Variants in NRG3 observed in about 807,000 individuals in gnomAD.
NRG3 encodes pro-neuregulin-3, membrane-bound isoform.
A neutral mutation model predicts 66.9 loss-of-function variants in NRG3; 31 were observed. The observed-to-expected ratio is 0.46, with a 90% CI of 0.35 to 0.63. NRG3 has a LOEUF of 0.63. NRG3 is among the 20% of genes least tolerant of loss of function. The pLI, the probability that NRG3 is intolerant of heterozygous loss-of-function variation, is 0.00. For missense variants in NRG3, 910 were observed against 878.9 expected (o/e 1.04, Z -0.45); for synonymous variants, 393 against 359.4 (o/e 1.09, Z -1.06).
chr10:82,223,642 A>ACACACACACACAC (rs2076037746), intron 1 of NRG3, among the ~76,000 whole-genome samples: 1 of 137,926 alleles, frequency 7.3e-6, no homozygotes, highest in African/African-American at 2.8e-5. Context: ...AACCACCCCA[A>ACACACACACACAC]ACACACACAC....
At chr10:82,310,298 G>A (rs75575616) in intron 1 of NRG3, among the ~76,000 whole-genome samples, 1,891 of 152,328 alleles carry the variant, frequency 0.012, 19 homozygotes, top group Non-Finnish European at 0.019. Flanking sequence ...AGTCCAAGAG[G>A]TGAATTATGG....
chr10:81,921,421 C>G (rs1018483), intron 1 of NRG3, among the ~76,000 whole-genome samples: 70,922 of 151,892 alleles, frequency 0.47, 20,719 homozygotes, highest in East Asian at 0.81. Flanking sequence ...TTTTGCTTCA[C>G]ATAGTCTGTC....
chr10:82,801,692 G>A (rs1056023342), intron 3 of NRG3, among the ~76,000 whole-genome samples: 1 of 152,188 alleles, frequency 6.6e-6, no homozygotes, highest in African/African-American at 2.4e-5. Flanking sequence ...TTTACCTGGT[G>A]CAAACAGGGC....
At position 81,894,985 on chromosome 10, in the gene NRG3, A is replaced by G. The variant is rs574745548; in HGVS notation, c.823+18822A>G. Among the ~76,000 whole-genome samples the G allele has an allele frequency of 9.9e-5, 15 of 152,260 alleles. No individual in the cohort carries two copies. In the South Asian group the frequency reaches 2.9e-3, roughly 29 times the overall value. On this transcript the variant is annotated intron_variant, in intron 1 of 8. Transcript: ENST00000372141. ...ACTGGCTTTTCAAACGTCACATCAT[A>G]AAAATAGAGCCACCTGAGTAAGAGC...
At chr10:82,236,078 TTAAA>T (rs2076739398) in intron 1 of NRG3, among the ~76,000 whole-genome samples, 3 of 152,110 alleles carry the variant, frequency 2.0e-5, no homozygotes, top group Admixed American at 1.3e-4. Flanking sequence ...TTTCTAATCA[TTAAA>T]TAGAGGATAG....
chr10:82,705,129 G>GA (rs370455673), intron 2 of NRG3, among the ~76,000 whole-genome samples: 4 of 152,184 alleles, frequency 2.6e-5, no homozygotes, highest in African/African-American at 9.6e-5. Flanking sequence ...TTTACATATG[G>GA]AAAAAAACTA....
chr10:82,120,233 A>G (rs1225443477), intron 1 of NRG3, among the ~76,000 whole-genome samples: 2 of 152,020 alleles, frequency 1.3e-5, no homozygotes, highest in African/African-American at 4.8e-5. Context: ...TGCTAAATAT[A>G]CACCCAGGTC....
At chr10:82,685,702 T>G (rs1301773299) in intron 2 of NRG3, among the ~76,000 whole-genome samples, 1 of 152,336 alleles carries the variant, frequency 6.6e-6, no homozygotes, top group African/African-American at 2.4e-5. Context: ...AAATACACAT[T>G]GTACAGCCAT....
intron 1 of NRG3, among the ~76,000 whole-genome samples, chr10:82,123,772 A>G (rs973447696): frequency 6.6e-6 from 1 of 152,108 alleles, no homozygotes; most frequent in East Asian, 1.9e-4. Flanking sequence ...GAACAGTGGA[A>G]TCGTCTGGAA....
intron 1 of NRG3, among the ~76,000 whole-genome samples, chr10:81,926,260 G>A (rs1846767069): frequency 1.3e-5 from 2 of 152,060 alleles, no homozygotes; most frequent in Non-Finnish European, 2.9e-5. Flanking sequence ...TGGGATTACA[G>A]GCACCCGCAA....
At chr10:82,967,704 C>T (rs1851337986) in intron 6 of NRG3, among the ~76,000 whole-genome samples, 1 of 152,180 alleles carries the variant, frequency 6.6e-6, no homozygotes, top group African/African-American at 2.4e-5. Context: ...ATTTTTACTA[C>T]AGGAGTAGGC....
chr10:82,949,427 A>G (rs1849312442), intron 4 of NRG3, among the ~76,000 whole-genome samples: 1 of 152,088 alleles, frequency 6.6e-6, no homozygotes, highest in African/African-American at 2.4e-5. Flanking sequence ...ATTTTCAGTG[A>G]TGAGAAGCCC....
Position 82,548,598 on chromosome 10 carries a change from G to T in NRG3, c.953+189730G>T, listed in dbSNP as rs542287964. Among the ~76,000 whole-genome samples the T allele has an allele frequency of 5.5e-4, 83 of 151,224 alleles. No homozygotes were observed. The South Asian group carries it at 9.2e-3, about 17-fold the overall frequency. On this transcript the variant is annotated intron_variant, in intron 2 of 8. Coordinates refer to ENST00000372141, the MANE Select transcript of NRG3 (RefSeq NM_001010848.4). Reference sequence around the variant, plus strand: ...TCCAGCCTTGGAAATTTAAGAACTTGTCCAGTCGGGCAAGGCAGGACCTGG... The same window carrying T: ...TCCAGCCTTGGAAATTTAAGAACTTTTCCAGTCGGGCAAGGCAGGACCTGG...
chr10:82,403,391 A>G (rs1459742301), intron 2 of NRG3, among the ~76,000 whole-genome samples: 1 of 152,092 alleles, frequency 6.6e-6, no homozygotes. Flanking sequence ...TCATTTAATT[A>G]TTTGCAAGAT....
intron 3 of NRG3, among the ~76,000 whole-genome samples, chr10:82,795,191 G>A (rs905840952): frequency 3.3e-5 from 5 of 152,096 alleles, no homozygotes; most frequent in African/African-American, 9.7e-5. Context: ...TTATAAAAAA[G>A]CTTTATTGGT....
chr10:82,629,010 TTC>T (rs2049621558), intron 2 of NRG3, among the ~76,000 whole-genome samples: 1 of 152,186 alleles, frequency 6.6e-6, no homozygotes, highest in Admixed American at 6.6e-5. Context: ...TGCTTAGACT[TTC>T]TGAAATTCAT....
intron 3 of NRG3, among the ~76,000 whole-genome samples, chr10:82,782,772 C>T (rs1017470106): frequency 6.6e-6 from 1 of 152,112 alleles, no homozygotes. Flanking sequence ...TGAATTCTAC[C>T]AGAGGTACAA....
intron 2 of NRG3, among the ~76,000 whole-genome samples, chr10:82,492,253 T>C (rs1042187745): frequency 2.6e-5 from 4 of 152,236 alleles, no homozygotes; most frequent in Non-Finnish European, 5.9e-5. Flanking sequence ...CATTACATGG[T>C]GATCCTCACA....
chr10:82,699,391 T>C (rs573013124), intron 2 of NRG3, among the ~76,000 whole-genome samples: 1 of 152,156 alleles, frequency 6.6e-6, no homozygotes, highest in Admixed American at 6.5e-5. Context: ...TTATAACACC[T>C]GAGGATCATC....
Sources: allele counts gnomAD v4.1 joint callset (sites outside exome capture counted in the v4.1 genomes callset), GRCh38; gene constraint gnomAD v4.1.1; transcripts MANE v1.5; gene names NCBI Gene and HGNC (gene_info 2026-07-23, HGNC 2026-07-21).